ECE1: variants seen among roughly 807,000 people sequenced by gnomAD.
ECE1 encodes endothelin converting enzyme 1, also known as endothelin-converting enzyme 1.
ECE1 carries 35 observed loss-of-function variants against 98.6 expected under a neutral mutation model. The observed-to-expected ratio is 0.35, with a 90% CI of 0.27 to 0.47. The LOEUF (loss-of-function observed/expected upper bound fraction) is 0.47. Ranked by LOEUF, ECE1 falls within the 20% of genes least tolerant of loss-of-function variation. ECE1 has a pLI of 1.00. For synonymous variants in ECE1, 394 were observed against 407.1 expected (o/e 0.97, Z 0.39); for missense variants, 814 against 1,025.3 (o/e 0.79, Z 2.81).
intron 1 of ECE1, among the ~76,000 whole-genome samples, chr1:21,333,334 TG>T (rs1186796804): frequency 2.5e-3 from 54 of 21,244 alleles, no homozygotes; most frequent in Middle Eastern, 0.038. Context: ...ACCAGAGCCG[TG>T]GGGGGGGCGG....
chr1:21,269,074 T>C (rs2098237317), intron 4 of ECE1, among the ~76,000 whole-genome samples: 3 of 152,146 alleles, frequency 2.0e-5, no homozygotes, highest in African/African-American at 7.2e-5. Context: ...GAGCAGCCGC[T>C]GGGGAAAGGA....
chr1:21,325,252 C>T (rs1639053534), intron 1 of ECE1, among the ~76,000 whole-genome samples: 1 of 152,220 alleles, frequency 6.6e-6, no homozygotes, highest in South Asian at 2.1e-4. Flanking sequence ...CCCACTCTTT[C>T]CCTCCATGCA....
intron 10 of ECE1, among the ~76,000 whole-genome samples, chr1:21,239,342 G>T (rs2098192807): frequency 6.6e-6 from 1 of 152,180 alleles, no homozygotes; most frequent in African/African-American, 2.4e-5. Flanking sequence ...CACGTGTGGT[G>T]GCCCTGCTCA....
intron 8 of ECE1, among the ~76,000 whole-genome samples, chr1:21,253,924 C>T (rs2098216402): frequency 6.6e-6 from 1 of 151,854 alleles, no homozygotes; most frequent in Non-Finnish European, 1.5e-5. Flanking sequence ...CAAAAATTAG[C>T]CGGGCGTGGT....
At chr1:21,221,715 C>G (rs768559964) in intron 18 of ECE1, 32 bp downstream of exon 18, 1 of 1,603,118 alleles carries the variant, frequency 6.2e-7, no homozygotes, top group Non-Finnish European at 8.5e-7. Context: ...GCAGAATGTA[C>G]CATGTGTGGC....
chr1:21,331,305 G>A lies in ECE1; in HGVS notation c.3+14071C>T, dbSNP rs184783223. On this transcript the variant is annotated intron_variant, in intron 1 of 18. Coordinates refer to the ECE1 transcript ENST00000415912. ...TGTAGTCCCAGCTACTCAGGAGGCTGAGGCAGAGGAATCGCTTGAACCCAG... is the reference window on the plus strand; with the variant it reads ...TGTAGTCCCAGCTACTCAGGAGGCTAAGGCAGAGGAATCGCTTGAACCCAG... Among the ~76,000 whole-genome samples the A allele has an allele frequency of 1.8e-4, 27 of 152,314 alleles. No homozygotes were observed. The East Asian group carries it at 5.2e-3, about 29-fold the overall frequency.
chr1:21,224,848 C>T (rs11590928), intron 17 of ECE1, among the ~76,000 whole-genome samples: 11,901 of 152,252 alleles, frequency 0.078, 666 homozygotes, highest in East Asian at 0.25. Context: ...ACTCCAGAAC[C>T]GGGACTTGAA....
intron 1 of ECE1, among the ~76,000 whole-genome samples, chr1:21,328,045 A>G (rs1639120877): frequency 6.6e-6 from 1 of 152,154 alleles, no homozygotes; most frequent in African/African-American, 2.4e-5. Flanking sequence ...ACCATTCTTC[A>G]CACCCTGTCC....
chr1:21,337,079 C>T (rs898499193), intron 1 of ECE1, among the ~76,000 whole-genome samples: 1 of 152,066 alleles, frequency 6.6e-6, no homozygotes, highest in African/African-American at 2.4e-5. Context: ...CACACATTGC[C>T]CCTCTGACCC....
intron 9 of ECE1, among the ~76,000 whole-genome samples, chr1:21,245,746 C>A (rs2098202564): frequency 6.6e-6 from 1 of 152,074 alleles, no homozygotes; most frequent in East Asian, 1.9e-4. Context: ...GAGTACTATG[C>A]AACCATGAAA....
chr1:21,297,843 T>TTG (rs906926979), intron 1 of ECE1, among the ~76,000 whole-genome samples: 5 of 141,618 alleles, frequency 3.5e-5, no homozygotes, highest in Non-Finnish European at 7.8e-5. Flanking sequence ...GTTGTTGTTG[T>TTG]TTTTTTTTTT....
chr1:21,302,259 C>T (rs969747604), intron 1 of ECE1, among the ~76,000 whole-genome samples: 1 of 152,216 alleles, frequency 6.6e-6, no homozygotes, highest in African/African-American at 2.4e-5. Context: ...CCACCTCCCC[C>T]TCTTCTGGCC....
At chr1:21,320,081 G>A (rs968864527) in intron 1 of ECE1, among the ~76,000 whole-genome samples, 1 of 152,376 alleles carries the variant, frequency 6.6e-6, no homozygotes, top group East Asian at 1.9e-4. Flanking sequence ...TTATGAATCT[G>A]TGGTGAGCCG....
At chr1:21,263,845 C>G (rs2098230337) in intron 4 of ECE1, among the ~76,000 whole-genome samples, 1 of 151,972 alleles carries the variant, frequency 6.6e-6, no homozygotes. Context: ...TTCCAGGAGC[C>G]CACGGGGACA....
intron 1 of ECE1, among the ~76,000 whole-genome samples, chr1:21,312,476 T>C (rs553142656): frequency 3.4e-4 from 51 of 151,786 alleles, no homozygotes; most frequent in African/African-American, 1.1e-3. Context: ...ATTAGCCTGG[T>C]GTGGTGGCAC....
intron 8 of ECE1, among the ~76,000 whole-genome samples, chr1:21,253,837 G>A (rs891500582): frequency 1.6e-4 from 24 of 150,842 alleles, no homozygotes; most frequent in Admixed American, 8.6e-4. Flanking sequence ...TTGGGACGCC[G>A]AGGCGGGTGG....
At chr1:21,333,344 G>T (rs7529340) in intron 1 of ECE1, among the ~76,000 whole-genome samples, 3 of 150,452 alleles carry the variant, frequency 2.0e-5, no homozygotes, top group East Asian at 2.0e-4. Flanking sequence ...TGGGGGGGGC[G>T]GGGGGGTGGG....
chr1:21,241,579 C>T (rs924651039), intron 10 of ECE1, among the ~76,000 whole-genome samples: 1 of 152,148 alleles, frequency 6.6e-6, no homozygotes, highest in African/African-American at 2.4e-5. Flanking sequence ...TGTGTCACTA[C>T]ACCTGGCTAT....
Position 21,316,445 on chromosome 1 carries a change from T to A in ECE1, c.4-26289A>T, listed in dbSNP as rs1427567787. Among the ~76,000 whole-genome samples, 3 of 147,984 alleles carry A rather than the reference T, an allele frequency of 2.0e-5. No individual in the cohort carries two copies. In the East Asian group the frequency reaches 5.8e-4, roughly 29 times the overall value. On this transcript the variant is annotated intron_variant, in intron 1 of 18. Coordinates refer to the ECE1 transcript ENST00000415912. ...CACCACACTGAGCTAATTTTTGTAT[T>A]TTTTTTTTAGTAGAGATGGGGTTTC...
Sources: allele counts gnomAD v4.1 joint callset (sites outside exome capture counted in the v4.1 genomes callset), GRCh38; gene constraint gnomAD v4.1.1; transcripts MANE v1.5; gene names NCBI Gene and HGNC (gene_info 2026-07-23, HGNC 2026-07-21).